Variants in ST7L observed in about 807,000 individuals in gnomAD.
The protein encoded by ST7L is suppressor of tumorigenicity 7 protein-like.
Under a neutral mutation model 72.5 loss-of-function variants are expected in ST7L, and 57 were observed. That is an observed-to-expected ratio of 0.79 (90% CI 0.64 to 0.98). The LOEUF is 0.98. Among genes scored for constraint, ST7L ranks in the 50% least tolerant of loss-of-function variants. ST7L has a pLI of 0.00. For missense variants in ST7L, 576 were observed against 672.2 expected, an observed-to-expected ratio of 0.86 and a Z score of 1.58; for synonymous variants, 221 against 240.9, an observed-to-expected ratio of 0.92 and a Z score of 0.77.
At chr1:112,540,446 A>AGTGTTCATTT in intron 14 of ST7L, 31 of 985,476 alleles carry the variant, frequency 3.1e-5, no homozygotes, top group Non-Finnish European at 3.7e-5. Context: ...ATGATCACTA[A>AGTGTTCATTT]GTGTTCATTT....
chr1:112,543,320 C>T (rs540244123), intron 13 of ST7L, among the ~76,000 whole-genome samples: 40 of 152,130 alleles, frequency 2.6e-4, no homozygotes, highest in Non-Finnish European at 7.4e-5. Context: ...GAGGCTAAGT[C>T]GGGTGGATCA....
chr1:112,542,945 A>G (rs1018384817), intron 13 of ST7L, among the ~76,000 whole-genome samples: 20 of 151,908 alleles, frequency 1.3e-4, no homozygotes, highest in African/African-American at 3.9e-4. Flanking sequence ...GATTACATGC[A>G]CAGGCCACTA....
At chr1:112,598,281 T>G (rs901995175) in intron 4 of ST7L, among the ~76,000 whole-genome samples, 195 bp from the exon 5 acceptor site, 1 of 151,954 alleles carries the variant, frequency 6.6e-6, no homozygotes, top group Non-Finnish European at 1.5e-5. Flanking sequence ...AATAGAAAAA[T>G]AATATTCAAT....
intron 14 of ST7L, chr1:112,530,170 C>A (rs1194564139): frequency 1.3e-5 from 2 of 152,164 alleles, no homozygotes; most frequent in Admixed American, 6.5e-5. Context: ...GCCGAATCCC[C>A]AGTTTTCTGC....
At chr1:112,616,763 ATCTT>A in intron 2 of ST7L, 46 bp downstream of exon 2, 1 of 1,324,456 alleles carries the variant, frequency 7.6e-7, no homozygotes, top group Non-Finnish European at 1.1e-6. Flanking sequence ...AAAAAAAAAT[ATCTT>A]TAGATAAACA....
chr1:112,607,582 A>G (rs1244301361), intron 3 of ST7L: 1 of 152,168 alleles, frequency 6.6e-6, no homozygotes, highest in Non-Finnish European at 1.5e-5. Flanking sequence ...CCTGGGCAAC[A>G]AGAGTGAAAT....
At chr1:112,591,158 C>T (rs902111581) in intron 6 of ST7L, among the ~76,000 whole-genome samples, 1 of 151,990 alleles carries the variant, frequency 6.6e-6, no homozygotes, top group African/African-American at 2.4e-5. Context: ...GTCTCGATCT[C>T]CTGACCTCAT....
chr1:112,603,012 GC>G (rs149693884), intron 3 of ST7L, among the ~76,000 whole-genome samples: 29,447 of 151,926 alleles, frequency 0.19, 3,571 homozygotes, highest in East Asian at 0.46. Flanking sequence ...ACCGCGCCCG[GC>G]CCCTGGCAGA....
chr1:112,573,508 TAAG>T (rs975038987), intron 11 of ST7L, among the ~76,000 whole-genome samples: 27 of 151,920 alleles, frequency 1.8e-4, no homozygotes, highest in African/African-American at 4.1e-4. Flanking sequence ...AACAAAAACA[TAAG>T]AAGAAACAAA....
chr1:112,533,394 C>T (rs1227895859), intron 14 of ST7L, among the ~76,000 whole-genome samples: 2 of 151,978 alleles, frequency 1.3e-5, no homozygotes, highest in Non-Finnish European at 2.9e-5. Context: ...TCCTGGCTCA[C>T]GGCAATCTTG....
chr1:112,561,584 G>A (rs557723998), intron 11 of ST7L, among the ~76,000 whole-genome samples: 38 of 151,554 alleles, frequency 2.5e-4, no homozygotes, highest in African/African-American at 8.0e-4. Flanking sequence ...GGGTTCAAGC[G>A]ATTCTCCTGC....
At chr1:112,564,285 A>G (rs137879901) in intron 11 of ST7L, among the ~76,000 whole-genome samples, 1 of 152,296 alleles carries the variant, frequency 6.6e-6, no homozygotes, top group East Asian at 1.9e-4. Flanking sequence ...CATCCTACAG[A>G]GCCACACCTC....
intron 12 of ST7L, among the ~76,000 whole-genome samples, chr1:112,553,255 C>T (rs1470417830): frequency 1.3e-5 from 2 of 152,140 alleles, no homozygotes; most frequent in Middle Eastern, 3.4e-3. Flanking sequence ...CACACACACA[C>T]ACACATATTA....
chr1:112,542,065 T>C lies in ST7L; in HGVS notation c.1515A>G (p.Pro505=), dbSNP rs1422874998. Residue 505 remains proline (P), a synonymous_variant, in exon 14 of 15, where the codon CCA becomes CCG. Coordinates refer to ENST00000358039, the MANE Select transcript of ST7L (RefSeq NM_017744.5). ...GGATGAACAAAGGAAGCTCCTTTTT[T>C]GGGTAAACAGAAACATGATGAAAGG... The part of the protein sequence containing the change: ...LPTFHHVSVY[P]KKELPLFIHF... 4 of 1,611,340 alleles carry C rather than the reference T, an allele frequency of 2.5e-6. No individual in the cohort carries two copies. The highest frequency in any genetic ancestry group is 3.4e-5 in the Admixed American group (2 of 59,422).
At chr1:112,562,453 TA>T (rs1008106383) in intron 11 of ST7L, among the ~76,000 whole-genome samples, 5 of 150,426 alleles carry the variant, frequency 3.3e-5, no homozygotes, top group South Asian at 4.2e-4. Flanking sequence ...ACAGACCAAT[TA>T]AAAAAAAAGA....
chr1:112,571,015 C>T (rs1028641369), intron 11 of ST7L, among the ~76,000 whole-genome samples: 3 of 152,028 alleles, frequency 2.0e-5, no homozygotes, highest in African/African-American at 7.2e-5. Flanking sequence ...ACTAAAAATA[C>T]AAAAATTAGC....
chr1:112,532,695 T>C (rs1654572882), intron 14 of ST7L, among the ~76,000 whole-genome samples: 2 of 152,254 alleles, frequency 1.3e-5, no homozygotes, highest in Admixed American at 1.3e-4. Context: ...TTTTGTTAAG[T>C]ATTATTGAAT....
At chr1:112,566,899 T>C (rs746946583) in intron 11 of ST7L, among the ~76,000 whole-genome samples, 1 of 152,224 alleles carries the variant, frequency 6.6e-6, no homozygotes, top group Non-Finnish European at 1.5e-5. Context: ...GGGGCTATTA[T>C]AAATAGAACT....
downstream of ST7L, chr1:112,520,945 T>C (rs1652837574): frequency 1.2e-5 from 2 of 172,670 alleles, no homozygotes; most frequent in Non-Finnish European, 2.5e-5. Context: ...GGCATGTCCC[T>C]TCTCTGAAGT....
Sources: allele counts gnomAD v4.1 joint callset (sites outside exome capture counted in the v4.1 genomes callset), GRCh38; gene constraint gnomAD v4.1.1; transcripts MANE v1.5; gene names NCBI Gene and HGNC (gene_info 2026-07-23, HGNC 2026-07-21).